P4HA1: variants seen among roughly 807,000 people sequenced by gnomAD.
P4HA1 encodes prolyl 4-hydroxylase subunit alpha 1.
A neutral mutation model predicts 72.8 loss-of-function variants in P4HA1; 24 were observed. That is an observed-to-expected ratio of 0.33 (90% CI 0.24 to 0.46). The LOEUF is 0.46. P4HA1 is among the 20% of genes least tolerant of loss of function. The pLI, the probability that P4HA1 is intolerant of heterozygous loss-of-function variation, is 1.00. For missense variants in P4HA1, 446 were observed against 640.6 expected (o/e 0.70, Z 3.28); for synonymous variants, 201 against 218.8 (o/e 0.92, Z 0.72).
intron 9 of P4HA1, among the ~76,000 whole-genome samples, chr10:73,034,070 G>A (rs141273221): frequency 1.3e-5 from 2 of 152,170 alleles, no homozygotes; most frequent in South Asian, 2.1e-4. Flanking sequence ...AAATTAGCCA[G>A]GCATGGTAGC....
Position 73,009,947 on chromosome 10 carries a change from G to A in P4HA1, c.1438-44C>T, listed in dbSNP as rs186821839. The A allele has an allele frequency of 6.5e-5, 69 of 1,063,804 alleles. 1 individual carries two copies. In the East Asian group the frequency reaches 1.6e-3, roughly 25 times the overall value. The allele number at this position is 1,063,804 out of a possible 1,614,324, so 65.9% of individuals were successfully genotyped here. On this transcript the variant is annotated intron_variant, in intron 13 of 14. Coordinates refer to ENST00000394890, the MANE Select transcript of P4HA1 (RefSeq NM_001017962.3). ...AATTATCCCCAAGTATACAATGCCA[G>A]GTAATTGCTTTCGGTAGTTATTACT... is the stretch of plus-strand genomic sequence containing the variant.
At chr10:73,035,607 T>TA (rs1840551003) in intron 9 of P4HA1, among the ~76,000 whole-genome samples, 1 of 152,234 alleles carries the variant, frequency 6.6e-6, no homozygotes, top group African/African-American at 2.4e-5. Flanking sequence ...TAATAGGTTA[T>TA]TTCTAATTTT....
At chr10:73,060,645 TAGAAACCTGGAAA>T (rs1474058791) in intron 5 of P4HA1, among the ~76,000 whole-genome samples, 1 of 152,062 alleles carries the variant, frequency 6.6e-6, no homozygotes, top group Non-Finnish European at 1.5e-5. Flanking sequence ...TACTCTGGAA[TAGAAACCTGGAAA>T]AAAAACTGTG....
intron 5 of P4HA1, among the ~76,000 whole-genome samples, chr10:73,058,156 G>C (rs1039929867): frequency 8.8e-5 from 13 of 148,066 alleles, no homozygotes; most frequent in African/African-American, 1.8e-4. Context: ...GTGAAACTAA[G>C]GGAAAAAAGA....
intron 5 of P4HA1, among the ~76,000 whole-genome samples, chr10:73,064,839 CAAA>C (rs1841384332): frequency 2.0e-5 from 3 of 151,802 alleles, no homozygotes; most frequent in South Asian, 4.2e-4. Flanking sequence ...GACTCCATGT[CAAA>C]AAAGAAAAAG....
chr10:73,048,832 A>G (rs1459499434), intron 7 of P4HA1, among the ~76,000 whole-genome samples: 1 of 152,190 alleles, frequency 6.6e-6, no homozygotes, highest in African/African-American at 2.4e-5. Flanking sequence ...AATGAAACAG[A>G]AAAGAAAATG....
chr10:73,010,863 ATG>A, intron 13 of P4HA1, 104 bp downstream of exon 13: 1 of 828,500 alleles, frequency 1.2e-6, no homozygotes, highest in Non-Finnish European at 2.0e-6. Flanking sequence ...GTCTCAAAAA[ATG>A]AAAAAGAAAA....
rs1449234894 is a variant in P4HA1 at position 73,008,231 on chromosome 10, T to C, written c.1596A>G (p.Glu532=). The stretch of plus-strand genomic sequence containing the variant: ...AAGGGAAGCCTGTTTGTCATTCCAA[T>C]TCTGACAACGTACAAGGTCTTCGAA... The part of the protein sequence containing the change: ...QEFRRPCTLS[E]LE The change falls in exon 15 of 15, where the codon GAA becomes GAG. Residue 532 remains glutamate (E), a synonymous_variant. Coordinates refer to ENST00000394890, the MANE Select transcript of P4HA1 (RefSeq NM_001017962.3). 6.2e-7 allele frequency: 1 copy of C among 1,602,742 alleles called. No individual in the cohort carries two copies. Among genetic ancestry groups the C allele is most frequent in the Admixed American group, 1.7e-5 (1 of 59,994 alleles).
intron 9 of P4HA1, among the ~76,000 whole-genome samples, chr10:73,043,440 C>T (rs184303471): frequency 6.6e-6 from 1 of 152,128 alleles, no homozygotes; most frequent in East Asian, 1.9e-4. Flanking sequence ...CAACTAATAA[C>T]CTAATAAGAT....
chr10:73,021,509 C>T (rs1840134436), intron 10 of P4HA1, among the ~76,000 whole-genome samples: 1 of 152,202 alleles, frequency 6.6e-6, no homozygotes, highest in African/African-American at 2.4e-5. Context: ...AATCTTATCA[C>T]ATGGATGGAA....
intron 9 of P4HA1, among the ~76,000 whole-genome samples, chr10:73,038,783 C>A (rs1189854046): frequency 1.5e-5 from 2 of 137,236 alleles, no homozygotes; most frequent in Admixed American, 1.4e-4. Context: ...CCCGCCACTA[C>A]GCCCGGCTAA....
At chr10:73,015,391 G>A (rs1032493907) in intron 11 of P4HA1, among the ~76,000 whole-genome samples, 3 of 152,262 alleles carry the variant, frequency 2.0e-5, no homozygotes, top group South Asian at 4.1e-4. Flanking sequence ...TGGAATACAG[G>A]TTGAGCATAC....
chr10:73,073,621 G>T, intron 3 of P4HA1, 110 bp downstream of exon 3: 1 of 667,956 alleles, frequency 1.5e-6, no homozygotes. Flanking sequence ...ATTGCAACTG[G>T]CTTTGTAAGA....
rs751266815 is a variant in P4HA1 at position 73,072,188 on chromosome 10, T to C, written c.174-8A>G. 1 of 1,600,498 alleles carries C rather than the reference T, an allele frequency of 6.2e-7. No individual in the cohort carries two copies. The highest frequency in any genetic ancestry group is 1.3e-5 in the African/African-American group (1 of 74,416). On this transcript the variant is annotated splice_region_variant and splice_polypyrimidine_tract_variant and intron_variant, in intron 3 of 14. Coordinates refer to ENST00000394890, the MANE Select transcript of P4HA1 (RefSeq NM_001017962.3). ...TCTAACTTCTCTGCCCATCTACAGATGTAAAACATAAAAACTGAATATTTA... is the reference window on the plus strand; with the variant it reads ...TCTAACTTCTCTGCCCATCTACAGACGTAAAACATAAAAACTGAATATTTA...
chr10:73,015,155 C>G (rs1421114665), intron 11 of P4HA1, among the ~76,000 whole-genome samples: 1 of 151,872 alleles, frequency 6.6e-6, no homozygotes, highest in African/African-American at 2.4e-5. Context: ...TCTAATAATG[C>G]TAGTAAAGTG....
chr10:73,010,371 A>G (rs1462947637), intron 13 of P4HA1, among the ~76,000 whole-genome samples: 2 of 152,140 alleles, frequency 1.3e-5, no homozygotes, highest in African/African-American at 4.8e-5. Context: ...CACTTTAAGA[A>G]CCGTTTTTGA....
At chr10:73,017,505 G>A (rs1840038628) in intron 10 of P4HA1, among the ~76,000 whole-genome samples, 1 of 152,010 alleles carries the variant, frequency 6.6e-6, no homozygotes, top group South Asian at 2.1e-4. Context: ...TAATACATAA[G>A]CTAAAATTTG....
intron 10 of P4HA1, among the ~76,000 whole-genome samples, chr10:73,019,505 T>C (rs974304270): frequency 1.3e-5 from 2 of 151,912 alleles, no homozygotes; most frequent in African/African-American, 2.4e-5. Context: ...AAAATACAGA[T>C]AGATAATTCA....
At chr10:73,014,069 T>C (rs948283251) in intron 12 of P4HA1, among the ~76,000 whole-genome samples, 155 bp downstream of exon 12, 26 of 152,164 alleles carry the variant, frequency 1.7e-4, no homozygotes, top group Non-Finnish European at 1.2e-4. Context: ...CCTGAAAAAG[T>C]TGCAAGTGCA....
Sources: allele counts gnomAD v4.1 joint callset (sites outside exome capture counted in the v4.1 genomes callset), GRCh38; gene constraint gnomAD v4.1.1; transcripts MANE v1.5; gene names NCBI Gene and HGNC (gene_info 2026-07-23, HGNC 2026-07-21).